Variants in RANBP2 observed in about 807,000 individuals in gnomAD.
The protein encoded by RANBP2 is RAN binding protein 2.
A neutral mutation model predicts 303.6 loss-of-function variants in RANBP2; 57 were observed. The ratio of observed to expected loss-of-function variants is 0.19; its 90% CI spans 0.15 to 0.23. RANBP2 has a LOEUF of 0.23. Ranked by LOEUF, RANBP2 falls within the 10% of genes least tolerant of loss-of-function variation. RANBP2 has a pLI of 1.00. For synonymous variants in RANBP2, 1,167 were observed against 1,301.5 expected, an observed-to-expected ratio of 0.90 and a Z score of 2.23; for missense variants, 3,138 against 3,780.8, an observed-to-expected ratio of 0.83 and a Z score of 4.46.
At chr2:109,369,284 G>A in the RANBP2 span, among the ~76,000 whole-genome samples, 3 of 152,174 alleles carry the variant, frequency 2.0e-5, no homozygotes. Context: ...AGGAGGTGGA[G>A]GTTGCAGTGA....
the RANBP2 span, among the ~76,000 whole-genome samples, chr2:109,496,492 A>C: frequency 6.6e-6 from 1 of 152,192 alleles, no homozygotes; most frequent in East Asian, 1.9e-4. Context: ...TGACCTCTCT[A>C]ATAGTAACAT....
the RANBP2 span, among the ~76,000 whole-genome samples, chr2:108,971,394 A>C: frequency 2.0e-5 from 3 of 151,510 alleles, no homozygotes; most frequent in Non-Finnish European, 2.9e-5. Context: ...TTGTAACAAG[A>C]CCCCCAGGTG....
At chr2:109,400,086 A>T in the RANBP2 span, among the ~76,000 whole-genome samples, 2 of 152,220 alleles carry the variant, frequency 1.3e-5, no homozygotes, top group African/African-American at 4.8e-5. Context: ...GAACTGTCTT[A>T]TTCAAAATCA....
the RANBP2 span, among the ~76,000 whole-genome samples, chr2:109,439,586 T>C: frequency 6.6e-5 from 10 of 152,276 alleles, no homozygotes; most frequent in Non-Finnish European, 1.5e-4. Context: ...GCATTGGCCA[T>C]AGCATCCAAT....
At chr2:109,730,473 C>T in the RANBP2 span, among the ~76,000 whole-genome samples, 10 of 152,188 alleles carry the variant, frequency 6.6e-5, no homozygotes, top group Admixed American at 2.6e-4. Context: ...ATGTGTAAGA[C>T]GGAAAACTGG....
At chr2:109,246,449 G>T in the RANBP2 span, among the ~76,000 whole-genome samples, 38,113 of 152,052 alleles carry the variant, frequency 0.25, 5,209 homozygotes, top group East Asian at 0.46. Flanking sequence ...CCTCCCCAAA[G>T]GCCTCAGCTC....
At chr2:108,756,215 G>T (rs1041069845) in intron 17 of RANBP2, among the ~76,000 whole-genome samples, 1 of 152,114 alleles carries the variant, frequency 6.6e-6, no homozygotes, top group African/African-American at 2.4e-5. Context: ...GATTAGCTGT[G>T]GATTACATGT....
the RANBP2 span, among the ~76,000 whole-genome samples, chr2:109,607,269 A>G: frequency 6.6e-6 from 1 of 152,212 alleles, no homozygotes; most frequent in Non-Finnish European, 1.5e-5. Flanking sequence ...ACAAACAGCT[A>G]AGGTCCTGAG....
chr2:108,738,789 T>A (rs1333110490), intron 6 of RANBP2, among the ~76,000 whole-genome samples: 1 of 151,432 alleles, frequency 6.6e-6, no homozygotes, highest in African/African-American at 2.4e-5. Flanking sequence ...CCACCACGCC[T>A]GGCTAATTTT....
chr2:109,596,134 C>T, the RANBP2 span, among the ~76,000 whole-genome samples: 1 of 152,126 alleles, frequency 6.6e-6, no homozygotes, highest in African/African-American at 2.4e-5. Flanking sequence ...TGGGCTCAGG[C>T]GATCCTCCCA....
the RANBP2 span, among the ~76,000 whole-genome samples, chr2:109,121,542 G>T: frequency 1.3e-5 from 2 of 152,142 alleles, no homozygotes; most frequent in Non-Finnish European, 2.9e-5. Flanking sequence ...GGCAACATTT[G>T]TGTAGCACTA....
At chr2:109,511,912 G>A in the RANBP2 span, among the ~76,000 whole-genome samples, 1 of 152,294 alleles carries the variant, frequency 6.6e-6, no homozygotes, top group South Asian at 2.1e-4. Flanking sequence ...CTGGCACCCA[G>A]TGTGGTGCTG....
chr2:109,616,219 CCTT>C, the RANBP2 span: 1 of 1,237,548 alleles, frequency 8.1e-7, no homozygotes, highest in Non-Finnish European at 1.0e-6. Flanking sequence ...TTCAGGCTAG[CCTT>C]CTGGGAAAAG....
chr2:109,078,228 GTATATA>G, the RANBP2 span, among the ~76,000 whole-genome samples: 39 of 39,276 alleles, frequency 9.9e-4, 7 homozygotes, highest in African/African-American at 3.8e-3. Flanking sequence ...TATATAGCGT[GTATATA>G]TATATATAGC....
the RANBP2 span, chr2:109,398,657 A>T: frequency 6.2e-7 from 1 of 1,605,980 alleles, no homozygotes; most frequent in Middle Eastern, 1.7e-4. Context: ...TCCAGCTGCA[A>T]TGCCTCCCTG....
At chr2:109,299,705 CAG>C in the RANBP2 span, among the ~76,000 whole-genome samples, 7 of 152,142 alleles carry the variant, frequency 4.6e-5, no homozygotes, top group African/African-American at 9.7e-5. Flanking sequence ...TCTAAATAAT[CAG>C]GGGGATAAAG....
Position 108,763,279 on chromosome 2 carries a change from A to G in RANBP2, c.2740A>G (p.Ile914Val). 1.2e-6 allele frequency: 2 copies of G among 1,613,786 alleles called. No individual in the cohort carries two copies. Among genetic ancestry groups the G allele is most frequent in the Non-Finnish European group, 8.5e-7 (1 of 1,179,942 alleles). The change falls in exon 20 of 29, where the codon ATT becomes GTT. Residue 914 changes from isoleucine to valine, a missense_variant. Transcript: ENST00000283195. ...GAATAGGCTTCCACCCCAACAGCAT[A>G]TTTATGCCTATCCGCAACAGATGCA... Reference protein sequence around the residue: ...GMNRLPPQQHIYAYPQQMHTP... With the variant: ...GMNRLPPQQHVYAYPQQMHTP...
the RANBP2 span, among the ~76,000 whole-genome samples, chr2:109,702,281 C>A: frequency 6.6e-6 from 1 of 152,158 alleles, no homozygotes; most frequent in Non-Finnish European, 1.5e-5. Flanking sequence ...GTTAAAAAAC[C>A]CCAGTGGTAG....
At chr2:109,552,051 T>C in the RANBP2 span, among the ~76,000 whole-genome samples, 554 of 152,348 alleles carry the variant, frequency 3.6e-3, 2 homozygotes, top group Non-Finnish European at 4.1e-3. Flanking sequence ...CTCCGCCTAC[T>C]GTCAGATCAG....
Sources: gnomAD v4.1 joint callset for allele counts (sites outside exome capture counted in the v4.1 genomes callset) on GRCh38, gnomAD v4.1.1 for gene constraint, MANE v1.5 for transcripts, NCBI Gene and HGNC (gene_info 2026-07-23, HGNC 2026-07-21) for gene names.